The following KALRN variants were observed in gnomAD, a reference collection of about 807,000 sequenced individuals.
KALRN encodes the protein kalirin.
A neutral mutation model predicts 353.7 loss-of-function variants in KALRN; 70 were observed. The observed-to-expected ratio is 0.20, with a 90% confidence interval of 0.16 to 0.24. The LOEUF (loss-of-function observed/expected upper bound fraction) is 0.24. Ranked by LOEUF, KALRN falls within the 10% of genes least tolerant of loss-of-function variation. KALRN has a pLI of 1.00. For synonymous variants in KALRN, 1,391 were observed against 1,434.8 expected (o/e 0.97, Z 0.69); for missense variants, 2,791 against 3,756.7 (o/e 0.74, Z 6.72).
At chr3:124,326,752 C>T (rs1196995672) in intron 7 of KALRN, among the ~76,000 whole-genome samples, 1 of 152,144 alleles carries the variant, frequency 6.6e-6, no homozygotes, top group African/African-American at 2.4e-5. Flanking sequence ...TGTGTTGGAG[C>T]CTGTCTTGAA....
chr3:124,602,806 C>T (rs2076938721), intron 34 of KALRN, among the ~76,000 whole-genome samples: 1 of 152,144 alleles, frequency 6.6e-6, no homozygotes, highest in Non-Finnish European at 1.5e-5. Context: ...TGGGAGTCAG[C>T]CTATATGTTT....
At chr3:124,656,157 A>G (rs2083993739) in intron 39 of KALRN, among the ~76,000 whole-genome samples, 1 of 152,178 alleles carries the variant, frequency 6.6e-6, no homozygotes, top group Non-Finnish European at 1.5e-5. Flanking sequence ...GTCCACAGTT[A>G]AGAGTCGACT....
intron 33 of KALRN, among the ~76,000 whole-genome samples, chr3:124,503,827 G>A (rs2064896571): frequency 6.6e-6 from 1 of 152,148 alleles, no homozygotes; most frequent in Non-Finnish European, 1.5e-5. Context: ...CCACCAAAGG[G>A]TATGAAATAT....
At chr3:124,466,865 A>G (rs2060394737) in intron 25 of KALRN, among the ~76,000 whole-genome samples, 1 of 152,212 alleles carries the variant, frequency 6.6e-6, no homozygotes, top group African/African-American at 2.4e-5. Context: ...GGTTTAATTC[A>G]TAGTGAAACA....
chr3:124,650,776 A>C (rs2083321159), intron 37 of KALRN, 32 bp from the exon 38 acceptor site: 4 of 1,555,042 alleles, frequency 2.6e-6, no homozygotes, highest in Non-Finnish European at 3.4e-6. Flanking sequence ...TTCAAAGTAC[A>C]CTTCTCTAAG....
At chr3:124,445,663 T>C (rs1462649179) in intron 19 of KALRN, among the ~76,000 whole-genome samples, 2 of 152,196 alleles carry the variant, frequency 1.3e-5, no homozygotes, top group African/African-American at 4.8e-5. Flanking sequence ...CACAACCTCT[T>C]GTGCAGGTCC....
Position 124,717,400 on chromosome 3 carries a change from C to T in KALRN, c.8415+15C>T, listed in dbSNP as rs1252297428. ...TGGACATAAAGGTAATAAGAAGTGG[C>T]AACCTGCTGGGCGCAGTGGCTCACG... is the stretch of plus-strand genomic sequence containing the variant. On this transcript the variant is annotated intron_variant, in intron 59 of 59. Transcript: ENST00000682506. The T allele has an allele frequency of 2.5e-6, 4 of 1,578,704 alleles. No individual in the cohort carries two copies. Among genetic ancestry groups the T allele is most frequent in the East Asian group, 2.3e-5 (1 of 44,152 alleles).
intron 10 of KALRN, among the ~76,000 whole-genome samples, chr3:124,366,271 A>G (rs1354244985): frequency 1.4e-5 from 2 of 147,188 alleles, no homozygotes; most frequent in Non-Finnish European, 3.0e-5. Flanking sequence ...TGCCAGGGTC[A>G]TGGGACAATA....
At chr3:124,333,807 G>T (rs563471280) in intron 8 of KALRN, among the ~76,000 whole-genome samples, 1 of 152,206 alleles carries the variant, frequency 6.6e-6, no homozygotes, top group South Asian at 2.1e-4. Flanking sequence ...AGAATCGCTT[G>T]AACCCGGGAG....
chr3:124,174,412 C>T (rs987901786), intron 1 of KALRN, among the ~76,000 whole-genome samples: 2 of 151,926 alleles, frequency 1.3e-5, no homozygotes, highest in Non-Finnish European at 2.9e-5. Context: ...CCAGCCTGGG[C>T]GACAGAGCAA....
rs544279723 is a variant in KALRN, at chr3:124,633,936, C to G, written c.5551C>G (p.Pro1851Ala). 18 of 1,613,752 alleles carry G rather than the reference C, an allele frequency of 1.1e-5. No individual in the cohort carries two copies. In the South Asian group the frequency reaches 1.9e-4, roughly 17 times the overall value. The part of the protein sequence containing the change: ...PPPMKIFDND[P>A]TQDEMSSSLL... ...ACCTATGAAGATTTTTGACAACGAC[C>G]CTACACAGGATGAAATGGTAGAACT... is the stretch of plus-strand genomic sequence containing the variant. Residue 1851 changes from proline (P) to alanine (A), a missense_variant, in exon 36 of 60, where the codon CCT (proline) becomes GCT (alanine). By Grantham distance (27) the Pro-to-Ala change is conservative. This residue lies in a region of KALRN where 1,065 missense variants were observed against 1,156.4 expected (regional missense o/e 0.92). Transcript: ENST00000682506.
intron 6 of KALRN, among the ~76,000 whole-genome samples, chr3:124,304,609 A>G (rs2077536543): frequency 6.6e-6 from 1 of 152,230 alleles, no homozygotes; most frequent in African/African-American, 2.4e-5. Flanking sequence ...CAAGCATTTA[A>G]AGTATCGGAA....
chr3:124,071,142 T>C (rs2059998928), intron 1 of KALRN, among the ~76,000 whole-genome samples: 1 of 152,116 alleles, frequency 6.6e-6, no homozygotes, highest in Non-Finnish European at 1.5e-5. Flanking sequence ...ATGGGGGGCA[T>C]GGTGTACATG....
intron 37 of KALRN, among the ~76,000 whole-genome samples, chr3:124,650,093 ACTT>A (rs1024055897): frequency 6.6e-6 from 1 of 152,088 alleles, no homozygotes; most frequent in African/African-American, 2.4e-5. Flanking sequence ...TATCCACACT[ACTT>A]CTGCCAATTT....
Position 124,457,930 on chromosome 3 carries a change from G to A in KALRN, c.3854+1202G>A, listed in dbSNP as rs537772460. Among the ~76,000 whole-genome samples the A allele has an allele frequency of 1.1e-4, 17 of 152,086 alleles. 1 individual carries two copies. In the South Asian group the frequency reaches 2.3e-3, roughly 20 times the overall value. ...TAGTTCAGATCACACCCTTCAGTCAGATCATTTTCACTGACTCCTCTCAGG... is the reference window on the plus strand; with the variant it reads ...TAGTTCAGATCACACCCTTCAGTCAAATCATTTTCACTGACTCCTCTCAGG... On this transcript the variant is annotated intron_variant, in intron 23 of 59. Coordinates refer to ENST00000682506, the MANE Select transcript of KALRN (RefSeq NM_001388419.1).
intron 3 of KALRN, among the ~76,000 whole-genome samples, chr3:124,253,356 A>G (rs2148780309): frequency 6.6e-6 from 1 of 152,324 alleles, no homozygotes; most frequent in South Asian, 2.1e-4. Flanking sequence ...TAGGGTAGAC[A>G]TGGGTGCAGC....
At chr3:124,047,524 G>A (rs549298991) in intron 1 of KALRN, among the ~76,000 whole-genome samples, 44 of 134,390 alleles carry the variant, frequency 3.3e-4, no homozygotes, top group African/African-American at 1.2e-3. Context: ...ATGGAGTCTC[G>A]CTCTGTTGCC....
intron 5 of KALRN, among the ~76,000 whole-genome samples, chr3:124,272,366 C>G (rs571594528): frequency 6.6e-6 from 1 of 152,232 alleles, no homozygotes; most frequent in South Asian, 2.1e-4. Flanking sequence ...GAGACACACA[C>G]TAATGCAGTT....
At chr3:124,626,610 C>T (rs1031771658) in intron 34 of KALRN, among the ~76,000 whole-genome samples, 12 of 152,088 alleles carry the variant, frequency 7.9e-5, no homozygotes, top group African/African-American at 2.9e-4. Flanking sequence ...TAATGCCAGT[C>T]ATTGGTCTTT....
Sources: gnomAD v4.1 joint callset for allele counts (sites outside exome capture counted in the v4.1 genomes callset) on GRCh38, gnomAD v4.1.1 for gene constraint, gnomAD v4.1.1 regional missense constraint, MANE v1.5 for transcripts, NCBI Gene and HGNC (gene_info 2026-07-23, HGNC 2026-07-21) for gene names.